SUMF1: variants seen among roughly 807,000 people sequenced by gnomAD.
SUMF1 encodes formylglycine-generating enzyme.
In SUMF1, 48 loss-of-function variants were observed where a neutral mutation model predicts 47.6. The observed-to-expected ratio is 1.01, with a 90% CI of 0.80 to 1.28. SUMF1 has a LOEUF of 1.28. SUMF1 is among the 50% of genes most tolerant of loss of function. The probability of loss-of-function intolerance (pLI) is 0.00; values close to 1 mark genes in which losing one functional copy is unlikely to be tolerated. For synonymous variants in SUMF1, 230 were observed against 192.1 expected, an observed-to-expected ratio of 1.20 and a Z score of -1.63; for missense variants, 571 against 485.4, an observed-to-expected ratio of 1.18 and a Z score of -1.66.
chr3:4,459,090 TTAGA>T (rs1350202628), intron 1 of SUMF1, among the ~76,000 whole-genome samples: 4 of 152,102 alleles, frequency 2.6e-5, no homozygotes, highest in Admixed American at 6.6e-5. Flanking sequence ...AAAATTTCAG[TTAGA>T]TAGAAGAAAT....
intron 8 of SUMF1, among the ~76,000 whole-genome samples, chr3:4,350,092 C>G (rs1384764357): frequency 6.6e-6 from 1 of 151,316 alleles, no homozygotes; most frequent in Admixed American, 6.6e-5. Context: ...CCTCTGCCTT[C>G]CGTGTTTGAG....
chr3:4,302,717 C>T (rs1331511106), intron 8 of SUMF1, among the ~76,000 whole-genome samples: 2 of 152,162 alleles, frequency 1.3e-5, no homozygotes, highest in East Asian at 3.9e-4. Flanking sequence ...AGAAGCAGGA[C>T]AATCATGTCA....
chr3:4,180,328 A>T (rs1373143206), intron 8 of SUMF1, among the ~76,000 whole-genome samples: 1 of 152,174 alleles, frequency 6.6e-6, no homozygotes, highest in Non-Finnish European at 1.5e-5. Flanking sequence ...GATTAAGAAA[A>T]TGTGGCACAT....
At chr3:4,143,250 G>A (rs978628234) in intron 8 of SUMF1, among the ~76,000 whole-genome samples, 1 of 152,082 alleles carries the variant, frequency 6.6e-6, no homozygotes, top group East Asian at 1.9e-4. Context: ...TTAGAGAGAT[G>A]CTAAGTGCCA....
chr3:4,099,767 C>T (rs1277776087), intron 8 of SUMF1, among the ~76,000 whole-genome samples: 3 of 151,724 alleles, frequency 2.0e-5, no homozygotes, highest in South Asian at 2.1e-4. Flanking sequence ...TTGCAGGATA[C>T]AAAACCAACA....
chr3:4,246,025 T>C (rs926170063), intron 8 of SUMF1, among the ~76,000 whole-genome samples: 1 of 152,168 alleles, frequency 6.6e-6, no homozygotes, highest in Admixed American at 6.5e-5. Context: ...ACTGCTGCAC[T>C]AGCAGCGAGC....
chr3:4,089,921 C>T (rs1692748456), intron 8 of SUMF1, among the ~76,000 whole-genome samples: 1 of 152,112 alleles, frequency 6.6e-6, no homozygotes, highest in Admixed American at 6.5e-5. Context: ...GATCTACATA[C>T]TCATGGAACC....
rs1336720122 is a variant in SUMF1 at position 4,081,971 on chromosome 3, G to A, written c.1015-13226C>T. On this transcript the variant is annotated intron_variant and NMD_transcript_variant, in intron 8 of 12. Transcript: ENST00000448413. ...AAGCCTTAACACAATAACTTTAAGTGTAAGGGTATAAGTCTTTGCCTACAG... is the reference window on the plus strand; with the variant it reads ...AAGCCTTAACACAATAACTTTAAGTATAAGGGTATAAGTCTTTGCCTACAG... Among the ~76,000 whole-genome samples the A allele has an allele frequency of 2.0e-5, 3 of 152,044 alleles. 1 individual carries two copies. The highest frequency in any genetic ancestry group is 4.4e-5 in the Non-Finnish European group (3 of 68,026).
intron 9 of SUMF1, among the ~76,000 whole-genome samples, chr3:4,056,481 C>T (rs1047033579): frequency 3.3e-5 from 5 of 152,018 alleles, no homozygotes; most frequent in African/African-American, 1.2e-4. Context: ...CAAGGCCAGC[C>T]TGGGCCGCAT....
rs553267336 is a variant in SUMF1, at chr3:4,126,069, A to G, written c.1015-57324T>C. On this transcript the variant is annotated intron_variant and NMD_transcript_variant, in intron 8 of 12. Coordinates refer to the SUMF1 transcript ENST00000448413. ...GAACTGCATCCCACCTGTCAGTGCCATGCTGATCATTCTCCTTTCAAATAA... is the reference window on the plus strand; with the variant it reads ...GAACTGCATCCCACCTGTCAGTGCCGTGCTGATCATTCTCCTTTCAAATAA... Among the ~76,000 whole-genome samples, 9 of 149,016 alleles carry G rather than the reference A, an allele frequency of 6.0e-5. No homozygotes were observed. The South Asian group carries it at 1.9e-3, about 32-fold the overall frequency.
At position 4,221,651 on chromosome 3, in the gene SUMF1, A is replaced by C. The variant is rs145955485; in HGVS notation, c.1015-152906T>G. On this transcript the variant is annotated intron_variant and NMD_transcript_variant, in intron 8 of 12. Coordinates refer to the SUMF1 transcript ENST00000448413. ...GATAAATGTTTACTAAATGAATGCC[A>C]ATTATGTGCCAGGCACTGTGCAAGG... is the stretch of plus-strand genomic sequence containing the variant. 9.1e-4 allele frequency among the ~76,000 whole-genome samples: 139 copies of C among 152,222 alleles called. 1 individual carries two copies. The highest frequency in any genetic ancestry group is 5.3e-3 in the Admixed American group (81 of 15,262).
At chr3:4,416,819 G>T (rs1268723312) in intron 6 of SUMF1, among the ~76,000 whole-genome samples, 1 of 152,166 alleles carries the variant, frequency 6.6e-6, no homozygotes, top group Non-Finnish European at 1.5e-5. Flanking sequence ...AAATGGGGAA[G>T]AAATGCACCA....
chr3:4,254,891 GC>G (rs887666334), intron 8 of SUMF1, among the ~76,000 whole-genome samples: 30 of 152,276 alleles, frequency 2.0e-4, no homozygotes, highest in African/African-American at 6.5e-4. Flanking sequence ...TCAAAGGGAA[GC>G]CCATCAGACT....
rs1694203659 is a variant in SUMF1, at chr3:4,146,784, G to A, written c.1015-78039C>T. On this transcript the variant is annotated intron_variant and NMD_transcript_variant, in intron 8 of 12. Coordinates refer to the SUMF1 transcript ENST00000448413. The stretch of plus-strand genomic sequence containing the variant: ...TCCCACCTATGAGTGAGAACATGCA[G>A]TGTTTGGTTTTTTGTCCTTGCAATA... 2.0e-5 allele frequency among the ~76,000 whole-genome samples: 3 copies of A among 151,108 alleles called. No individual in the cohort carries two copies. In the South Asian group the frequency reaches 6.3e-4, roughly 32 times the overall value.
intron 8 of SUMF1, among the ~76,000 whole-genome samples, chr3:4,095,128 T>C (rs1692873881): frequency 6.6e-6 from 1 of 152,126 alleles, no homozygotes; most frequent in Non-Finnish European, 1.5e-5. Flanking sequence ...CTCTCTAAAT[T>C]ACAAGTCTCT....
chr3:4,339,641 G>A (rs1361648408), intron 8 of SUMF1, among the ~76,000 whole-genome samples: 1 of 152,070 alleles, frequency 6.6e-6, no homozygotes, highest in South Asian at 2.1e-4. Context: ...AGAGGTCTTG[G>A]GTAGGAAGGC....
chr3:4,130,074 C>A (rs565186553), intron 8 of SUMF1, among the ~76,000 whole-genome samples: 1 of 152,254 alleles, frequency 6.6e-6, no homozygotes, highest in South Asian at 2.1e-4. Flanking sequence ...GAGATTAGTG[C>A]CACCATCAAG....
intron 8 of SUMF1, among the ~76,000 whole-genome samples, chr3:4,147,915 T>C (rs1028271740): frequency 1.3e-5 from 2 of 152,168 alleles, no homozygotes; most frequent in African/African-American, 4.8e-5. Flanking sequence ...AGGAATCAGC[T>C]AATGACCCTT....
At chr3:4,363,759 T>C (rs546725380) in intron 8 of SUMF1, among the ~76,000 whole-genome samples, 6 of 119,048 alleles carry the variant, frequency 5.0e-5, no homozygotes, top group African/African-American at 9.5e-5. Context: ...TCCAACACTA[T>C]GTTGAATAGG....
Sources: allele counts gnomAD v4.1 joint callset (sites outside exome capture counted in the v4.1 genomes callset), GRCh38; gene constraint gnomAD v4.1.1; transcripts MANE v1.5; gene names NCBI Gene and HGNC (gene_info 2026-07-23, HGNC 2026-07-21).